Variants in EVX2 observed in about 807,000 individuals in gnomAD.
EVX2 encodes even-skipped homeobox 2.
A neutral mutation model predicts 19.2 loss-of-function variants in EVX2; 10 were observed. The observed-to-expected ratio is 0.52, with a 90% CI of 0.32 to 0.89. The LOEUF (loss-of-function observed/expected upper bound fraction) is 0.89, where lower values mean the gene tolerates loss of function less well. EVX2 is among the 40% of genes least tolerant of loss of function. The pLI is 0.03. For missense variants in EVX2, 710 were observed against 694.9 expected, an observed-to-expected ratio of 1.02 and a Z score of -0.24; for synonymous variants, 354 against 328.4, an observed-to-expected ratio of 1.08 and a Z score of -0.84.
rs1452368041 is a variant in EVX2, at chr2:176,081,197, G to C, written c.700-359C>G. The stretch of plus-strand genomic sequence containing the variant: ...GCTGAGCACCCGTCTCTCAATCCCA[G>C]GATTTGTACGGGGATTCTGGGCAGC... On this transcript the variant is annotated intron_variant, in intron 2 of 2. Coordinates refer to ENST00000308618, the MANE Select transcript of EVX2 (RefSeq NM_001080458.2). This position sits in a 1 kb window ranked among gnomAD's most constrained non-coding sequence, Gnocchi z 5.9. Among the ~76,000 whole-genome samples the C allele has an allele frequency of 6.6e-6, 1 of 152,160 alleles. No individual in the cohort carries two copies. The highest frequency in any genetic ancestry group is 2.4e-5 in the African/African-American group (1 of 41,440).
In EVX2 at chr2:176,080,969, A is replaced by G; in HGVS notation, c.700-131T>C. 1.7e-6 allele frequency: 2 copies of G among 1,207,384 alleles called. No individual in the cohort carries two copies. The highest frequency in any genetic ancestry group is 3.2e-5 in the South Asian group (2 of 62,258). The allele number at this position is 1,207,384 out of a possible 1,614,324, so 74.8% of individuals were successfully genotyped here. The stretch of plus-strand genomic sequence containing the variant: ...TTCTCTCCGACCAAGCCCAACCCCG[A>G]GTACCCTGTGGTCTCCCAGCTGGGA... On this transcript the variant is annotated intron_variant, in intron 2 of 2. Coordinates refer to ENST00000308618, the MANE Select transcript of EVX2 (RefSeq NM_001080458.2). The surrounding 1 kb of genome is among the most constrained non-coding windows in gnomAD (Gnocchi z 7.0).
In EVX2 at chr2:176,080,570, C is replaced by T. The variant is rs754466176; in HGVS notation, c.968G>A (p.Arg323His). The T allele has an allele frequency of 1.3e-6, 2 of 1,530,692 alleles. No individual in the cohort carries two copies. Among genetic ancestry groups the T allele is most frequent in the South Asian group, 1.3e-5 (1 of 79,702 alleles). 94.8% of individuals were successfully genotyped at this position (1,530,692 alleles called of 1,614,324 possible). A position where few individuals can be genotyped will look rare whatever the true frequency, so the allele number is the denominator to read the frequency against. The part of the protein sequence containing the change: ...ATSIRPLDTF[R>H]ALSHPYSRPE... Reference sequence around the variant, plus strand: ...CCGAGAGTAGGGGTGCGAGAGGGCGCGGAAGGTGTCCAGTGGCCGGATGGA... The same window carrying T: ...CCGAGAGTAGGGGTGCGAGAGGGCGTGGAAGGTGTCCAGTGGCCGGATGGA... Residue 323 changes from arginine (R) to histidine (H), a missense_variant, in exon 3 of 3, where the codon CGC (arginine) becomes CAC (histidine). By Grantham distance (29) the Arg-to-His change is conservative. Coordinates refer to ENST00000308618, the MANE Select transcript of EVX2 (RefSeq NM_001080458.2). This position sits in a 1 kb window ranked among gnomAD's most constrained non-coding sequence, Gnocchi z 7.0.
Position 176,079,968 on chromosome 2 carries a change from C to T in EVX2, c.*139G>A, listed in dbSNP as rs847142. 4,593 of 956,432 alleles carry T rather than the reference C, an allele frequency of 4.8e-3. 166 individuals are homozygous for T. The African/African-American group carries it at 0.072, about 15-fold the overall frequency. 59.2% of individuals were successfully genotyped at this position (956,432 alleles called of 1,614,324 possible). A position where few individuals can be genotyped will look rare whatever the true frequency, so the allele number is the denominator to read the frequency against. On this transcript the variant is annotated 3_prime_UTR_variant, in exon 3 of 3. Transcript: ENST00000308618. This position sits in a 1 kb window ranked among gnomAD's most constrained non-coding sequence, Gnocchi z 4.4. Reference sequence around the variant, plus strand: ...TCTCCCCCAATTCGGAGCAGGTTCCCTTCGGCCTCCCGCGCCCCGGGGCGC... The same window carrying T: ...TCTCCCCCAATTCGGAGCAGGTTCCTTTCGGCCTCCCGCGCCCCGGGGCGC...
In EVX2 at chr2:176,080,544, G is replaced by A. The variant is rs746551317; in HGVS notation, c.994C>T (p.Pro332Ser). The A allele has an allele frequency of 6.6e-6, 10 of 1,514,996 alleles. No individual in the cohort carries two copies. The highest frequency in any genetic ancestry group is 7.8e-6 in the Non-Finnish European group (9 of 1,147,088). The allele number at this position is 1,514,996 out of a possible 1,614,324, so 93.8% of individuals were successfully genotyped here. ...TGGCGGAAGCTACACAGCAGCTCCG[G>A]CCGAGAGTAGGGGTGCGAGAGGGCG... The part of the protein sequence containing the change: ...FRALSHPYSR[P>S]ELLCSFRHPG... The change falls in exon 3 of 3, where the codon CCG becomes TCG. Residue 332 changes from proline to serine, a missense_variant. Transcript: ENST00000308618. The surrounding 1 kb of genome is among the most constrained non-coding windows in gnomAD (Gnocchi z 7.0).
Position 176,080,223 on chromosome 2 carries a change from A to G in EVX2, c.1315T>C (p.Cys439Arg), listed in dbSNP as rs767632611. The stretch of plus-strand genomic sequence containing the variant: ...TCGGAACGCGGCGCCGCCGCGCTGC[A>G]GCCGAAGTCCGAGCCTCCCCCGGCC... ...AGAGGGSDFGCSAAAPRSESG... is the reference protein window; with the variant it reads ...AGAGGGSDFGRSAAAPRSESG... Residue 439 changes from cysteine to arginine, a missense_variant, in exon 3 of 3, where the codon TGC becomes CGC. Cys to Arg is a radical substitution (Grantham distance 180). Coordinates refer to ENST00000308618, the MANE Select transcript of EVX2 (RefSeq NM_001080458.2). This position sits in a 1 kb window ranked among gnomAD's most constrained non-coding sequence, Gnocchi z 7.0. 6.8e-5 allele frequency: 98 copies of G among 1,439,050 alleles called. No individual in the cohort carries two copies. Among genetic ancestry groups the G allele is most frequent in the Non-Finnish European group, 8.4e-5 (92 of 1,093,622 alleles). The allele number at this position is 1,439,050 out of a possible 1,614,324, so 89.1% of individuals were successfully genotyped here.
At position 176,080,637 on chromosome 2, in the gene EVX2, C is replaced by A; in HGVS notation, c.901G>T (p.Ala301Ser). The change falls in exon 3 of 3, where the codon GCC becomes TCC. Residue 301 changes from alanine to serine, a missense_variant. Coordinates refer to ENST00000308618, the MANE Select transcript of EVX2 (RefSeq NM_001080458.2). This position sits in a 1 kb window ranked among gnomAD's most constrained non-coding sequence, Gnocchi z 7.0. Reference sequence around the variant, plus strand: ...GAAGCCGCGGCCGCCGCGCCTGAGGCTGCAGCCGCGGCCGCCGCCGCCGTG... The same window carrying A: ...GAAGCCGCGGCCGCCGCGCCTGAGGATGCAGCCGCGGCCGCCGCCGCCGTG... Reference protein sequence around the residue: ...GVTAAAAAAAASGAAAAASSP... With the variant: ...GVTAAAAAAASSGAAAAASSP... 6.4e-7 allele frequency: 1 copy of A among 1,556,068 alleles called. No individual in the cohort carries two copies. Among genetic ancestry groups the A allele is most frequent in the Non-Finnish European group, 8.6e-7 (1 of 1,160,120 alleles).
In EVX2 at chr2:176,083,687, G is replaced by C. The variant is rs747124965; in HGVS notation, c.90C>G (p.Asn30Lys). Residue 30 changes from asparagine to lysine, a missense_variant, in exon 1 of 3, where the codon AAC becomes AAG. Transcript: ENST00000308618. This position sits in a 1 kb window ranked among gnomAD's most constrained non-coding sequence, Gnocchi z 4.4. ...CCTCGAGCACAGCATTGCCAGCCGAGTTGGACAAATTGGAGAATCTCTTGC... is the reference window on the plus strand; with the variant it reads ...CCTCGAGCACAGCATTGCCAGCCGACTTGGACAAATTGGAGAATCTCTTGC... ...TAGKRFSNLS[N>K]SAGNAVLEAL... is the part of the protein sequence containing the mutation. 1.2e-6 allele frequency: 2 copies of C among 1,614,016 alleles called. No homozygotes were observed. The highest frequency in any genetic ancestry group is 1.7e-5 in the Admixed American group (1 of 60,012).
rs1463183316 is a variant in EVX2 at position 176,077,784 on chromosome 2, C to A, written c.*2323G>T. 1 of 152,070 alleles carries A rather than the reference C, an allele frequency of 6.6e-6. No individual in the cohort carries two copies. Among genetic ancestry groups the A allele is most frequent in the East Asian group, 1.9e-4 (1 of 5,192 alleles). The allele number at this position is 152,070 out of a possible 1,614,324, so 9.4% of individuals were successfully genotyped here. A position where few individuals can be genotyped will look rare whatever the true frequency, so the allele number is the denominator to read the frequency against. On this transcript the variant is annotated 3_prime_UTR_variant, in exon 3 of 3. Coordinates refer to ENST00000308618, the MANE Select transcript of EVX2 (RefSeq NM_001080458.2). The stretch of plus-strand genomic sequence containing the variant: ...TCTGTTAGCTGATCATAACAAAGGA[C>A]TTTAACAATCTAAATAGGTAAAGCT...
chr2:176,081,975 G>A lies in EVX2; in HGVS notation c.699+203C>T, dbSNP rs1689153943. 6.6e-6 allele frequency among the ~76,000 whole-genome samples: 1 copy of A among 152,192 alleles called. No homozygotes were observed. The highest frequency in any genetic ancestry group is 1.5e-5 in the Non-Finnish European group (1 of 68,034). ...TCAGCATTGGAGTCACCATTCGGGG[G>A]CCTTCTTAGATCCGTCAGGCCGGAC... On this transcript the variant is annotated intron_variant, in intron 2 of 2. Coordinates refer to ENST00000308618, the MANE Select transcript of EVX2 (RefSeq NM_001080458.2). The surrounding 1 kb of genome is among the most constrained non-coding windows in gnomAD (Gnocchi z 5.9).
In EVX2 at chr2:176,083,849, C is replaced by A; in HGVS notation, c.-73G>T. The A allele has an allele frequency of 7.7e-7, 1 of 1,299,444 alleles. No individual in the cohort carries two copies. The allele number at this position is 1,299,444 out of a possible 1,614,324, so 80.5% of individuals were successfully genotyped here. ...TGATAGGCTGCGCCTAGGGCTAATT[C>A]TCATTCAGCCCCAGCGAACGCCTCT... On this transcript the variant is annotated 5_prime_UTR_variant, in exon 1 of 3. Coordinates refer to ENST00000308618, the MANE Select transcript of EVX2 (RefSeq NM_001080458.2). This position sits in a 1 kb window ranked among gnomAD's most constrained non-coding sequence, Gnocchi z 4.4.
At position 176,083,397 on chromosome 2, in the gene EVX2, G is replaced by A. The variant is rs765491751; in HGVS notation, c.380C>T (p.Ser127Phe). Residue 127 changes from serine (S) to phenylalanine (F), a missense_variant, in exon 1 of 3, where the codon TCC (serine) becomes TTC (phenylalanine). Ser to Phe is a radical substitution (Grantham distance 155, BLOSUM62 -2). Transcript: ENST00000308618. This position sits in a 1 kb window ranked among gnomAD's most constrained non-coding sequence, Gnocchi z 4.4. ...DVEVGCSALR[S>F]PGGLGAAQLK... ...CTGAGCGGCGCCGAGGCCCCCGGGG[G>A]AGCGAAGCGCGGAGCAGCCCACCTC... 3.1e-6 allele frequency: 5 copies of A among 1,612,264 alleles called. 1 individual carries two copies. Among genetic ancestry groups the A allele is most frequent in the East Asian group, 4.5e-5 (2 of 44,794 alleles).
At position 176,080,498 on chromosome 2, in the gene EVX2, G is replaced by A; in HGVS notation, c.1040C>T (p.Pro347Leu). Residue 347 changes from proline to leucine, a missense_variant, in exon 3 of 3, where the codon CCC (proline) becomes CTC (leucine). Physicochemically the swap from Pro to Leu is moderately conservative, Grantham distance 98. Coordinates refer to ENST00000308618, the MANE Select transcript of EVX2 (RefSeq NM_001080458.2). This position sits in a 1 kb window ranked among gnomAD's most constrained non-coding sequence, Gnocchi z 7.0. ...GCTGTTGAGCCCCGCGGCGGCCGCG[G>A]GAGCCTGGTAGAGACCAGGGTGGCG... is the stretch of plus-strand genomic sequence containing the variant. ...SFRHPGLYQA[P>L]AAAAGLNSAA... The A allele has an allele frequency of 2.2e-6, 3 of 1,358,866 alleles. No individual in the cohort carries two copies. Among genetic ancestry groups the A allele is most frequent in the Non-Finnish European group, 2.8e-6 (3 of 1,062,850 alleles). The allele number at this position is 1,358,866 out of a possible 1,614,324, so 84.2% of individuals were successfully genotyped here.
chr2:176,083,328 GC>G lies in EVX2; in HGVS notation c.427+21del. The G allele has an allele frequency of 6.4e-7, 1 of 1,554,602 alleles. No homozygotes were observed. The highest frequency in any genetic ancestry group is 8.7e-7 in the Non-Finnish European group (1 of 1,148,242). On this transcript the variant is annotated intron_variant, in intron 1 of 2. Coordinates refer to ENST00000308618, the MANE Select transcript of EVX2 (RefSeq NM_001080458.2). This position sits in a 1 kb window ranked among gnomAD's most constrained non-coding sequence, Gnocchi z 4.4. Reference sequence around the variant, plus strand: ...AGCAAAGAGGATGGGACTGGAGAGCGCGGTGCGGCCGGCGCGGTTACCTTTG... The same window carrying G: ...AGCAAAGAGGATGGGACTGGAGAGCGGGTGCGGCCGGCGCGGTTACCTTTG...
chr2:176,078,256 C>G lies in EVX2; in HGVS notation c.*1851G>C, dbSNP rs531185829. On this transcript the variant is annotated 3_prime_UTR_variant, in exon 3 of 3. Coordinates refer to ENST00000308618, the MANE Select transcript of EVX2 (RefSeq NM_001080458.2). ...TACATGAATATGTGTGTATCTCTTA[C>G]ATATGTATTTAAGAGCACGGATATA... is the stretch of plus-strand genomic sequence containing the variant. The G allele has an allele frequency of 7.6e-5, 9 of 118,202 alleles. No homozygotes were observed. The highest frequency in any genetic ancestry group is 9.5e-5 in the Non-Finnish European group (6 of 63,256). 7.3% of individuals were successfully genotyped at this position (118,202 alleles called of 1,614,324 possible). A position where few individuals can be genotyped will look rare whatever the true frequency, so the allele number is the denominator to read the frequency against.
Position 176,079,963 on chromosome 2 carries a change from G to A in EVX2, c.*144C>T. 1.2e-6 allele frequency: 1 copy of A among 866,010 alleles called. No homozygotes were observed. Among genetic ancestry groups the A allele is most frequent in the South Asian group, 3.2e-5 (1 of 31,204 alleles). 53.6% of individuals were successfully genotyped at this position (866,010 alleles called of 1,614,324 possible). ...CTCCTTCTCCCCCAATTCGGAGCAG[G>A]TTCCCTTCGGCCTCCCGCGCCCCGG... On this transcript the variant is annotated 3_prime_UTR_variant, in exon 3 of 3. Transcript: ENST00000308618. The surrounding 1 kb of genome is among the most constrained non-coding windows in gnomAD (Gnocchi z 4.4).
In EVX2 at chr2:176,083,019, C is replaced by T. The variant is rs1689169965; in HGVS notation, c.427+331G>A. Among the ~76,000 whole-genome samples, 1 of 152,248 alleles carries T rather than the reference C, an allele frequency of 6.6e-6. No homozygotes were observed. On this transcript the variant is annotated intron_variant, in intron 1 of 2. Transcript: ENST00000308618. This position sits in a 1 kb window ranked among gnomAD's most constrained non-coding sequence, Gnocchi z 4.4. ...AGTTCAGAGTAGTTGCCCAGGGTAC[C>T]TTTCCCAAAAGCAACTCGGCTGCTG...
Position 176,080,930 on chromosome 2 carries a change from A to G in EVX2, c.700-92T>C. The stretch of plus-strand genomic sequence containing the variant: ...ACCTCTGCCCCTTCCGGACCTCTGA[A>G]TGGCTTGGTCTACTTCTCTCCGACC... On this transcript the variant is annotated intron_variant, in intron 2 of 2. Coordinates refer to ENST00000308618, the MANE Select transcript of EVX2 (RefSeq NM_001080458.2). This position sits in a 1 kb window ranked among gnomAD's most constrained non-coding sequence, Gnocchi z 7.0. The G allele has an allele frequency of 6.9e-7, 1 of 1,452,122 alleles. No homozygotes were observed. The highest frequency in any genetic ancestry group is 9.1e-7 in the Non-Finnish European group (1 of 1,094,274). The allele number at this position is 1,452,122 out of a possible 1,614,324, so 90.0% of individuals were successfully genotyped here.
In EVX2 at chr2:176,080,040, G is replaced by T; in HGVS notation, c.*67C>A. ...GCGGGCAACGCGCGGAGGGCTCAGG[G>T]GGCGCACAGGGGACTCCCGGGCACA... On this transcript the variant is annotated 3_prime_UTR_variant, in exon 3 of 3. Coordinates refer to ENST00000308618, the MANE Select transcript of EVX2 (RefSeq NM_001080458.2). This position sits in a 1 kb window ranked among gnomAD's most constrained non-coding sequence, Gnocchi z 7.0. 7.1e-7 allele frequency: 1 copy of T among 1,417,634 alleles called. No individual in the cohort carries two copies. Among genetic ancestry groups the T allele is most frequent in the East Asian group, 2.8e-5 (1 of 35,180 alleles). The allele number at this position is 1,417,634 out of a possible 1,614,324, so 87.8% of individuals were successfully genotyped here. A position where few individuals can be genotyped will look rare whatever the true frequency, so the allele number is the denominator to read the frequency against.
chr2:176,083,478 T>C lies in EVX2; in HGVS notation c.299A>G (p.Lys100Arg). 1.2e-6 allele frequency: 2 copies of C among 1,614,134 alleles called. No homozygotes were observed. The highest frequency in any genetic ancestry group is 1.7e-6 in the Non-Finnish European group (2 of 1,180,042). ...CGCCTCTGAATAATGGCCCGGCTTC[T>C]TGCGGCTCTCGGCGGCGGAGGAGAT... ...SEISSAAESR[K>R]KPGHYSEAAA... The change falls in exon 1 of 3, where the codon AAG (lysine) becomes AGG (arginine). Residue 100 changes from lysine (K) to arginine (R), a missense_variant. Transcript: ENST00000308618. The surrounding 1 kb of genome is among the most constrained non-coding windows in gnomAD (Gnocchi z 4.4).
Sources: gnomAD v4.1 joint callset for allele counts (sites outside exome capture counted in the v4.1 genomes callset) on GRCh38, gnomAD v4.1.1 for gene constraint, Gnocchi (gnomAD v3.1) non-coding constraint, MANE v1.5 for transcripts, NCBI Gene and HGNC (gene_info 2026-07-23, HGNC 2026-07-21) for gene names.